The following VPS37A variants were observed in gnomAD, a reference collection of about 807,000 sequenced individuals.
VPS37A encodes VPS37A subunit of ESCRT-I.
VPS37A carries 30 observed loss-of-function variants against 49.8 expected under a neutral mutation model. The observed-to-expected ratio is 0.60, with a 90% CI of 0.45 to 0.82. The LOEUF (loss-of-function observed/expected upper bound fraction) is 0.82, where lower values mean the gene tolerates loss of function less well. Ranked by LOEUF, VPS37A falls within the 40% of genes least tolerant of loss-of-function variation. The pLI, the probability that VPS37A is intolerant of heterozygous loss-of-function variation, is 0.00. For synonymous variants in VPS37A, 195 were observed against 160.6 expected (o/e 1.21, Z -1.62); for missense variants, 593 against 464.4 (o/e 1.28, Z -2.55).
chr8:17,308,166 A>G, the VPS37A span, among the ~76,000 whole-genome samples: 1 of 152,048 alleles, frequency 6.6e-6, no homozygotes, highest in African/African-American at 2.4e-5. Context: ...AATAAACTTT[A>G]CTGCAAATCA....
At chr8:17,326,031 C>G in the VPS37A span, among the ~76,000 whole-genome samples, 1 of 152,296 alleles carries the variant, frequency 6.6e-6, no homozygotes, top group Admixed American at 6.5e-5. Context: ...AGATATGTTG[C>G]TTACATTGCT....
intron 1 of VPS37A, among the ~76,000 whole-genome samples, chr8:17,256,526 T>C (rs1332859374): frequency 6.6e-6 from 1 of 151,896 alleles, no homozygotes; most frequent in Middle Eastern, 3.2e-3. Context: ...GAACTCCTCA[T>C]GTATTCGGTA....
At chr8:17,330,624 G>A in the VPS37A span, among the ~76,000 whole-genome samples, 9 of 152,216 alleles carry the variant, frequency 5.9e-5, no homozygotes, top group African/African-American at 1.9e-4. Flanking sequence ...CTGTGGGTAC[G>A]TGTCTTGTCA....
chr8:17,330,792 C>T, the VPS37A span, among the ~76,000 whole-genome samples: 3 of 152,158 alleles, frequency 2.0e-5, no homozygotes, highest in African/African-American at 2.4e-5. Flanking sequence ...GATCTCCATA[C>T]AAGAATGGTT....
chr8:17,313,763 G>A, the VPS37A span, among the ~76,000 whole-genome samples: 1 of 152,122 alleles, frequency 6.6e-6, no homozygotes, highest in African/African-American at 2.4e-5. Flanking sequence ...AATTGGGAGT[G>A]CTATGAGGAA....
chr8:17,305,980 C>G (rs1422736381), downstream of VPS37A: 2 of 1,554,558 alleles, frequency 1.3e-6, no homozygotes, highest in Admixed American at 3.6e-5. Context: ...GCATTAGAGA[C>G]TTTTTAAGGC....
At chr8:17,302,939 G>C (rs1417462576), downstream of VPS37A, among the ~76,000 whole-genome samples, 3 of 152,006 alleles carry the variant, frequency 2.0e-5, no homozygotes, top group East Asian at 5.8e-4. Context: ...ATGAACTCCT[G>C]ACCTCAGGTG....
intron 1 of VPS37A, among the ~76,000 whole-genome samples, chr8:17,254,478 C>CTT (rs1262123322): frequency 1.3e-5 from 2 of 152,226 alleles, no homozygotes; most frequent in Non-Finnish European, 2.9e-5. Flanking sequence ...ATTAATTACT[C>CTT]TGAGAAATGC....
chr8:17,317,573 C>T, the VPS37A span, among the ~76,000 whole-genome samples: 1 of 152,182 alleles, frequency 6.6e-6, no homozygotes, highest in East Asian at 1.9e-4. Flanking sequence ...GTTGACTTTC[C>T]AGAAAGTGTA....
intron 5 of VPS37A, among the ~76,000 whole-genome samples, chr8:17,276,071 C>T (rs895571236): frequency 6.6e-6 from 1 of 152,100 alleles, no homozygotes; most frequent in Non-Finnish European, 1.5e-5. Context: ...ATATTTAATG[C>T]CTTTCACTTG....
At chr8:17,249,082 A>G (rs188552114) in intron 1 of VPS37A, among the ~76,000 whole-genome samples, 8 of 152,326 alleles carry the variant, frequency 5.3e-5, no homozygotes, top group African/African-American at 1.9e-4. Context: ...TTTGGAATTA[A>G]TTGCTTTTAA....
At position 17,246,974 on chromosome 8, in the gene VPS37A, C is replaced by G. The variant is rs370749559; in HGVS notation, c.-271C>G. The stretch of plus-strand genomic sequence containing the variant: ...TGGTGGAGCGCTGGGCGGCCAGGCT[C>G]CCTGGCTGGCCGGTTTGGGCGTCTG... On this transcript the variant is annotated 5_prime_UTR_variant, in exon 1 of 12. Transcript: ENST00000324849. 6 of 476,288 alleles carry G rather than the reference C, an allele frequency of 1.3e-5. No individual in the cohort carries two copies. Among genetic ancestry groups the G allele is most frequent in the African/African-American group, 2.1e-5 (1 of 48,554 alleles). 29.5% of individuals were successfully genotyped at this position (476,288 alleles called of 1,614,324 possible). A position where few individuals can be genotyped will look rare whatever the true frequency, so the allele number is the denominator to read the frequency against.
chr8:17,301,881 CAAAT>C (rs1317161394), downstream of VPS37A: 7 of 433,876 alleles, frequency 1.6e-5, no homozygotes, highest in African/African-American at 8.1e-5. Flanking sequence ...TTACTACTCT[CAAAT>C]AACAGTAACC....
intron 11 of VPS37A, among the ~76,000 whole-genome samples, chr8:17,294,659 C>G (rs945069715): frequency 2.0e-5 from 3 of 152,178 alleles, no homozygotes; most frequent in African/African-American, 7.2e-5. Flanking sequence ...CACAGTCCCT[C>G]AAGGCTTCCC....
At chr8:17,333,004 T>A in the VPS37A span, among the ~76,000 whole-genome samples, 29 of 152,124 alleles carry the variant, frequency 1.9e-4, no homozygotes, top group Non-Finnish European at 3.5e-4. Context: ...AGTTTGTAAT[T>A]GAAATAATAG....
Position 17,247,483 on chromosome 8 carries a change from C to T in VPS37A, c.125+114C>T, listed in dbSNP as rs555881808. 16 of 1,413,082 alleles carry T rather than the reference C, an allele frequency of 1.1e-5. No homozygotes were observed. The East Asian group carries it at 1.7e-4, about 15-fold the overall frequency. The allele number at this position is 1,413,082 out of a possible 1,614,324, so 87.5% of individuals were successfully genotyped here. A position where few individuals can be genotyped will look rare whatever the true frequency, so the allele number is the denominator to read the frequency against. On this transcript the variant is annotated intron_variant, in intron 1 of 11. Transcript: ENST00000324849. ...CCCCACCAGCTCCTCATGTGGTTTA[C>T]CTCCCTTGGTTGTGGGTCACACGCT...
chr8:17,294,253 G>A (rs1056308049), intron 11 of VPS37A, among the ~76,000 whole-genome samples: 1 of 152,140 alleles, frequency 6.6e-6, no homozygotes. Context: ...TTTACACTGT[G>A]AGGGGAAAAC....
At chr8:17,302,302 C>T (rs1248147511), downstream of VPS37A, 5 of 1,609,690 alleles carry the variant, frequency 3.1e-6, no homozygotes, top group Non-Finnish European at 4.2e-6. Context: ...GGCAAAGCGT[C>T]GTGATACCAC....
chr8:17,309,218 A>G, the VPS37A span: 1 of 1,156,622 alleles, frequency 8.6e-7, no homozygotes, highest in Non-Finnish European at 1.3e-6. Context: ...ATTCAATTGA[A>G]ATTTTCAGAA....
Sources: gnomAD v4.1 joint callset for allele counts (sites outside exome capture counted in the v4.1 genomes callset) on GRCh38, gnomAD v4.1.1 for gene constraint, MANE v1.5 for transcripts, NCBI Gene and HGNC (gene_info 2026-07-23, HGNC 2026-07-21) for gene names.